The following RAP1GDS1 variants were observed in gnomAD, a reference collection of about 807,000 sequenced individuals.
The protein encoded by RAP1GDS1 is Rap1 GTPase-GDP dissociation stimulator 1.
In RAP1GDS1, 35 loss-of-function variants were observed where a neutral mutation model predicts 71.1. The ratio of observed to expected loss-of-function variants is 0.49; its 90% CI spans 0.38 to 0.65. The LOEUF is 0.65. Ranked by LOEUF, RAP1GDS1 falls within the 30% of genes least tolerant of loss-of-function variation. RAP1GDS1 has a pLI of 0.00. For missense variants in RAP1GDS1, 663 were observed against 706.1 expected (o/e 0.94, Z 0.69); for synonymous variants, 229 against 243.1 (o/e 0.94, Z 0.54).
intron 12 of RAP1GDS1, among the ~76,000 whole-genome samples, chr4:98,425,828 T>G (rs757314625): frequency 5.9e-5 from 9 of 151,922 alleles, no homozygotes; most frequent in Non-Finnish European, 1.3e-4. Context: ...AGACAGAAAG[T>G]CAACAAAGAA....
chr4:98,399,692 C>A (rs1379469906), intron 6 of RAP1GDS1, among the ~76,000 whole-genome samples: 1 of 152,152 alleles, frequency 6.6e-6, no homozygotes, highest in East Asian at 1.9e-4. Flanking sequence ...TTCAGTATCA[C>A]TAATCTTCAG....
At chr4:98,355,902 A>G (rs1737895728) in intron 4 of RAP1GDS1, among the ~76,000 whole-genome samples, 1 of 152,178 alleles carries the variant, frequency 6.6e-6, no homozygotes, top group Non-Finnish European at 1.5e-5. Flanking sequence ...TCCTTCTTGC[A>G]TATAGAGATG....
intron 7 of RAP1GDS1, among the ~76,000 whole-genome samples, chr4:98,413,575 TTCCA>T (rs1356971271): frequency 6.6e-6 from 1 of 151,834 alleles, no homozygotes; most frequent in Non-Finnish European, 1.5e-5. Context: ...CTGCATAGTA[TTCCA>T]TGGTGTATAT....
intron 4 of RAP1GDS1, among the ~76,000 whole-genome samples, chr4:98,359,452 T>C (rs2110437816): frequency 6.6e-6 from 1 of 152,246 alleles, no homozygotes; most frequent in East Asian, 1.9e-4. Flanking sequence ...TATTTCTGGG[T>C]ATAGTTCTGT....
chr4:98,332,569 CAT>C (rs903729615), intron 2 of RAP1GDS1, among the ~76,000 whole-genome samples: 1 of 152,162 alleles, frequency 6.6e-6, no homozygotes, highest in Non-Finnish European at 1.5e-5. Context: ...ACCTGCAAAT[CAT>C]GTGCAGTGAG....
intron 12 of RAP1GDS1, among the ~76,000 whole-genome samples, chr4:98,423,074 C>T (rs946062908): frequency 3.9e-5 from 6 of 152,252 alleles, no homozygotes; most frequent in African/African-American, 1.2e-4. Flanking sequence ...ATTAACTATC[C>T]GTTGAGGGGA....
At chr4:98,431,177 G>GTA (rs1750350373) in intron 12 of RAP1GDS1, among the ~76,000 whole-genome samples, 1 of 152,144 alleles carries the variant, frequency 6.6e-6, no homozygotes, top group Admixed American at 6.5e-5. Flanking sequence ...TTAAACAAAT[G>GTA]TATTTAGTCA....
chr4:98,282,833 T>A (rs1725355379), intron 1 of RAP1GDS1, among the ~76,000 whole-genome samples: 1 of 152,200 alleles, frequency 6.6e-6, no homozygotes, highest in South Asian at 2.1e-4. Context: ...TTGTTCTCAT[T>A]GGTTTCAAAG....
intron 4 of RAP1GDS1, among the ~76,000 whole-genome samples, chr4:98,355,072 A>C (rs1275321380): frequency 6.6e-6 from 1 of 152,220 alleles, no homozygotes; most frequent in Non-Finnish European, 1.5e-5. Context: ...AATTACAAGA[A>C]TAATATAAAA....
At chr4:98,327,608 A>G (rs1018050109) in intron 2 of RAP1GDS1, among the ~76,000 whole-genome samples, 2 of 152,144 alleles carry the variant, frequency 1.3e-5, no homozygotes, top group Non-Finnish European at 2.9e-5. Flanking sequence ...TCTTGATTTC[A>G]ACAGCTTTAA....
chr4:98,364,036 T>G (rs1485130199), intron 4 of RAP1GDS1, among the ~76,000 whole-genome samples: 2 of 152,116 alleles, frequency 1.3e-5, no homozygotes, highest in African/African-American at 4.8e-5. Flanking sequence ...TTTCCGTCAT[T>G]GCTGCTTGTT....
At chr4:98,319,432 A>G (rs1407641083) in intron 2 of RAP1GDS1, among the ~76,000 whole-genome samples, 5 of 152,088 alleles carry the variant, frequency 3.3e-5, no homozygotes, top group Non-Finnish European at 5.9e-5. Context: ...TGGTTTACTG[A>G]TATTTTTTCA....
chr4:98,319,545 C>A (rs1439752544), intron 2 of RAP1GDS1, among the ~76,000 whole-genome samples: 1 of 151,736 alleles, frequency 6.6e-6, no homozygotes, highest in Non-Finnish European at 1.5e-5. Flanking sequence ...CTTTGGGAGG[C>A]CGGGGTGAGC....
chr4:98,436,698 T>C (rs751383216), intron 13 of RAP1GDS1, among the ~76,000 whole-genome samples: 1 of 152,228 alleles, frequency 6.6e-6, no homozygotes, highest in Non-Finnish European at 1.5e-5. Context: ...AGTTTAATTG[T>C]CTCATATTAA....
intron 6 of RAP1GDS1, among the ~76,000 whole-genome samples, chr4:98,397,559 A>G (rs1029106877): frequency 1.3e-5 from 2 of 152,182 alleles, no homozygotes; most frequent in Non-Finnish European, 2.9e-5. Flanking sequence ...TTGTACGAGA[A>G]TATTTTGGGA....
At chr4:98,373,050 C>G (rs1375649106) in intron 4 of RAP1GDS1, among the ~76,000 whole-genome samples, 4 of 152,204 alleles carry the variant, frequency 2.6e-5, no homozygotes, top group African/African-American at 7.2e-5. Context: ...TCTTAACATA[C>G]TTTTATCATT....
intron 6 of RAP1GDS1, among the ~76,000 whole-genome samples, chr4:98,404,266 T>C (rs926746910): frequency 1.3e-4 from 20 of 152,212 alleles, no homozygotes; most frequent in African/African-American, 4.8e-4. Context: ...AGAACCTTTT[T>C]TTATAGCTCA....
At chr4:98,409,198 A>T (rs375169153) in intron 7 of RAP1GDS1, 1 of 152,198 alleles carries the variant, frequency 6.6e-6, no homozygotes, top group Non-Finnish European at 1.5e-5. Context: ...GAATTTCTAT[A>T]TACCAAAAAA....
At chr4:98,334,241 A>T (rs1734388196) in intron 2 of RAP1GDS1, among the ~76,000 whole-genome samples, 1 of 152,164 alleles carries the variant, frequency 6.6e-6, no homozygotes, top group Non-Finnish European at 1.5e-5. Context: ...GCATAAACAC[A>T]CCTAAGCATA....
Sources: gnomAD v4.1 joint callset for allele counts (sites outside exome capture counted in the v4.1 genomes callset) on GRCh38, gnomAD v4.1.1 for gene constraint, MANE v1.5 for transcripts, NCBI Gene and HGNC (gene_info 2026-07-23, HGNC 2026-07-21) for gene names.